CSMD1: variants seen among roughly 807,000 people sequenced by gnomAD.
The protein encoded by CSMD1 is CUB and sushi domain-containing protein 1.
A neutral mutation model predicts 417.5 loss-of-function variants in CSMD1; 213 were observed. The observed-to-expected ratio is 0.51, with a 90% CI of 0.46 to 0.57. The LOEUF is 0.57. Ranked by LOEUF, CSMD1 falls within the 20% of genes least tolerant of loss-of-function variation. The pLI, the probability that CSMD1 is intolerant of heterozygous loss-of-function variation, is 0.00. For missense variants in CSMD1, 6,923 were observed against 4,529.7 expected, an observed-to-expected ratio of 1.53 and a Z score of -15.17; for synonymous variants, 2,862 against 1,736.8, an observed-to-expected ratio of 1.65 and a Z score of -16.11.
chr8:4,142,865 A>G (rs761927679), intron 3 of CSMD1, among the ~76,000 whole-genome samples: 4 of 151,146 alleles, frequency 2.6e-5, no homozygotes, highest in South Asian at 2.1e-4. Flanking sequence ...TAATATCATC[A>G]TTTGATAATA....
intron 5 of CSMD1, among the ~76,000 whole-genome samples, chr8:3,944,230 G>T (rs1270522435): frequency 6.6e-6 from 1 of 152,108 alleles, no homozygotes; most frequent in African/African-American, 2.4e-5. Flanking sequence ...TGTCTCTCAG[G>T]CTGGTGTTTT....
intron 2 of CSMD1, among the ~76,000 whole-genome samples, chr8:4,609,653 T>C (rs1027873788): frequency 3.3e-5 from 5 of 152,210 alleles, no homozygotes; most frequent in Admixed American, 2.0e-4. Context: ...AATAGGCCAG[T>C]GACTTCCAAA....
intron 3 of CSMD1, among the ~76,000 whole-genome samples, chr8:4,133,440 T>C (rs1420384973): frequency 6.6e-6 from 1 of 152,206 alleles, no homozygotes; most frequent in Non-Finnish European, 1.5e-5. Context: ...AAATAAATGT[T>C]ATCATTTACC....
At chr8:4,137,654 A>G (rs1169653731) in intron 3 of CSMD1, among the ~76,000 whole-genome samples, 1 of 131,562 alleles carries the variant, frequency 7.6e-6, no homozygotes, top group African/African-American at 2.5e-5. Context: ...GTTTCAATAT[A>G]AATTCATACT....
chr8:4,344,598 G>C (rs1442187632), intron 3 of CSMD1, among the ~76,000 whole-genome samples: 1 of 151,390 alleles, frequency 6.6e-6, no homozygotes, highest in African/African-American at 2.4e-5. Context: ...ATGACTCGCT[G>C]GGTTATGAGT....
intron 5 of CSMD1, among the ~76,000 whole-genome samples, chr8:3,936,500 C>T (rs941032979): frequency 6.6e-6 from 1 of 152,168 alleles, no homozygotes; most frequent in African/African-American, 2.4e-5. Flanking sequence ...TTACAAAAAT[C>T]CCAGGATCCT....
chr8:2,984,610 G>A (rs1056395292), intron 54 of CSMD1, among the ~76,000 whole-genome samples: 1 of 152,232 alleles, frequency 6.6e-6, no homozygotes, highest in Non-Finnish European at 1.5e-5. Flanking sequence ...GGCTCCCAAA[G>A]TGCTGGGATT....
chr8:3,921,210 G>A (rs764641240), intron 5 of CSMD1, among the ~76,000 whole-genome samples: 8 of 151,926 alleles, frequency 5.3e-5, no homozygotes, highest in South Asian at 2.1e-4. Flanking sequence ...CACATTTTGC[G>A]TATATAATTT....
chr8:3,018,113 T>A (rs1195672895), intron 52 of CSMD1, among the ~76,000 whole-genome samples: 1 of 152,240 alleles, frequency 6.6e-6, no homozygotes, highest in African/African-American at 2.4e-5. Context: ...TCAATTTGGA[T>A]GAATATAACT....
chr8:3,441,598 G>C (rs1315287734), intron 12 of CSMD1, among the ~76,000 whole-genome samples: 1 of 151,598 alleles, frequency 6.6e-6, no homozygotes, highest in South Asian at 2.1e-4. Context: ...AGATTATAAT[G>C]TAGTTAAAAA....
chr8:4,317,355 G>T (rs547052871), intron 3 of CSMD1, among the ~76,000 whole-genome samples: 7 of 152,206 alleles, frequency 4.6e-5, no homozygotes, highest in Non-Finnish European at 1.5e-5. Flanking sequence ...TCCCACGTCT[G>T]TGTTATAAGC....
intron 5 of CSMD1, among the ~76,000 whole-genome samples, chr8:3,959,452 T>C (rs1305080365): frequency 6.6e-6 from 1 of 152,088 alleles, no homozygotes; most frequent in African/African-American, 2.4e-5. Context: ...TGAGCCAAGA[T>C]CACGCCATTG....
chr8:4,802,038 G>A (rs180984987), intron 1 of CSMD1, among the ~76,000 whole-genome samples: 2 of 152,222 alleles, frequency 1.3e-5, no homozygotes, highest in Admixed American at 1.3e-4. Flanking sequence ...TTTGCAAAGG[G>A]CATTAATGGA....
chr8:3,396,044 A>C lies in CSMD1; in HGVS notation c.2593+150T>G, dbSNP rs541371144. The C allele has an allele frequency of 3.2e-4, 202 of 635,448 alleles. 4 individuals carry two copies. The South Asian group carries it at 4.0e-3, about 12-fold the overall frequency. 39.4% of individuals were successfully genotyped at this position (635,448 alleles called of 1,614,324 possible). A position where few individuals can be genotyped will look rare whatever the true frequency, so the allele number is the denominator to read the frequency against. The stretch of plus-strand genomic sequence containing the variant: ...AGATGCTCTCTTATGAATAACAGAA[A>C]GTTCTTACAATTGCATAGTATGGTT... On this transcript the variant is annotated intron_variant, in intron 17 of 69. Transcript: ENST00000635120.
chr8:3,627,667 A>C (rs1332002173), intron 7 of CSMD1, among the ~76,000 whole-genome samples: 1 of 152,216 alleles, frequency 6.6e-6, no homozygotes, highest in African/African-American at 2.4e-5. Context: ...GGGTGATCAC[A>C]TATGCAATGT....
chr8:4,207,680 T>G (rs1305570450), intron 3 of CSMD1, among the ~76,000 whole-genome samples: 1 of 152,144 alleles, frequency 6.6e-6, no homozygotes, highest in Non-Finnish European at 1.5e-5. Context: ...TGCATTCACA[T>G]GTACATTTCA....
chr8:3,408,028 T>A lies in CSMD1; in HGVS notation c.1942A>T (p.Ile648Leu). ...CCAGAAAAAGTACCCAGGACAGTTA[T>A]GTCAGAAATGCCATCATCCTTGACC... ...LAVKDDGISD[I>L]TVLGTFSGNE... Residue 648 changes from isoleucine (I) to leucine (L), a missense_variant, in exon 14 of 70, where the codon ATA becomes TTA. Ile to Leu is a conservative substitution (Grantham distance 5). Coordinates refer to ENST00000635120, the MANE Select transcript of CSMD1 (RefSeq NM_033225.6). 1.2e-6 allele frequency: 2 copies of A among 1,613,970 alleles called. No homozygotes were observed. The highest frequency in any genetic ancestry group is 8.5e-7 in the Non-Finnish European group (1 of 1,179,892).
At chr8:3,697,294 A>G (rs1800607166) in intron 7 of CSMD1, among the ~76,000 whole-genome samples, 1 of 152,186 alleles carries the variant, frequency 6.6e-6, no homozygotes. Flanking sequence ...TAACCAGAAA[A>G]CATTTTCGGT....
intron 3 of CSMD1, among the ~76,000 whole-genome samples, chr8:4,297,338 A>AAAAAC (rs895249511): frequency 2.6e-5 from 4 of 152,254 alleles, no homozygotes; most frequent in East Asian, 3.9e-4. Context: ...CCAAATCTAA[A>AAAAAC]AAAACAAAAC....
Sources: allele counts gnomAD v4.1 joint callset (sites outside exome capture counted in the v4.1 genomes callset), GRCh38; gene constraint gnomAD v4.1.1; transcripts MANE v1.5; gene names NCBI Gene and HGNC (gene_info 2026-07-23, HGNC 2026-07-21).